EBF1: variants seen among roughly 807,000 people sequenced by gnomAD.
EBF1 encodes the protein EBF transcription factor 1.
Under a neutral mutation model 68.4 loss-of-function variants are expected in EBF1, and 10 were observed. That is an observed-to-expected ratio of 0.15 (90% CI 0.09 to 0.25). EBF1 has a LOEUF of 0.25. Ranked by LOEUF, EBF1 falls within the 10% of genes least tolerant of loss-of-function variation. The pLI is 1.00. For synonymous variants in EBF1, 298 were observed against 299.8 expected (o/e 0.99, Z 0.06); for missense variants, 509 against 794.4 (o/e 0.64, Z 4.32).
intron 6 of EBF1, among the ~76,000 whole-genome samples, chr5:158,947,890 C>T (rs745746990): frequency 5.9e-5 from 9 of 152,274 alleles, no homozygotes; most frequent in Non-Finnish European, 2.9e-5. Context: ...CTCCCTAAAT[C>T]GCTGAAGCAT....
At chr5:158,745,241 C>G (rs867013791) in intron 10 of EBF1, among the ~76,000 whole-genome samples, 1 of 152,116 alleles carries the variant, frequency 6.6e-6, no homozygotes, top group Admixed American at 6.6e-5. Flanking sequence ...ACAGAGTGAA[C>G]ATTACAATCA....
rs1562086416 is a variant in EBF1 at position 158,840,662 on chromosome 5, TTTTTTTTTTTG to T, written c.555-563_555-553del. 7.5e-3 allele frequency among the ~76,000 whole-genome samples: 629 copies of T among 83,756 alleles called. 81 individuals carry two copies. The highest frequency in any genetic ancestry group is 0.012 in the South Asian group (19 of 1,576). The allele number at this position is 83,756 out of a possible 152,430, so 54.9% of individuals were successfully genotyped here. A position where few individuals can be genotyped will look rare whatever the true frequency, so the allele number is the denominator to read the frequency against. ...TACCTCCTGTTTTTTTTTTTTTTTT[TTTTTTTTTTTG>T]TTTTTTTTTTTTTTTTGAGACGGAG... On this transcript the variant is annotated intron_variant, in intron 6 of 15. Transcript: ENST00000313708.
chr5:158,779,450 T>TTG (rs1775965399), intron 9 of EBF1, among the ~76,000 whole-genome samples: 1 of 152,156 alleles, frequency 6.6e-6, no homozygotes, highest in South Asian at 2.1e-4. Context: ...TCCAAAGACT[T>TTG]TGTGTGTGTG....
At chr5:158,935,627 C>G (rs950505915) in intron 6 of EBF1, among the ~76,000 whole-genome samples, 3 of 152,164 alleles carry the variant, frequency 2.0e-5, no homozygotes, top group Non-Finnish European at 4.4e-5. Context: ...AAAAGACAAA[C>G]TAACATGATT....
chr5:159,005,164 G>C (rs1217603831), intron 6 of EBF1, among the ~76,000 whole-genome samples: 1 of 152,152 alleles, frequency 6.6e-6, no homozygotes, highest in Non-Finnish European at 1.5e-5. Flanking sequence ...ACCCACAAGA[G>C]CAGTAAATTT....
chr5:158,992,893 T>C (rs915808902), intron 6 of EBF1, among the ~76,000 whole-genome samples: 7 of 149,076 alleles, frequency 4.7e-5, no homozygotes, highest in African/African-American at 1.7e-4. Flanking sequence ...CTAAGGGGTA[T>C]ATTAAGAGCC....
intron 6 of EBF1, chr5:158,986,268 G>A (rs1258891683): frequency 6.6e-6 from 1 of 152,248 alleles, no homozygotes; most frequent in Non-Finnish European, 1.5e-5. Context: ...ATAGGTGGAA[G>A]TAAATGCTGA....
intron 8 of EBF1, among the ~76,000 whole-genome samples, chr5:158,799,999 A>G (rs571117924): frequency 6.6e-6 from 1 of 152,304 alleles, no homozygotes; most frequent in African/African-American, 2.4e-5. Context: ...GGCTAAAAGA[A>G]GACCTGGAAA....
intron 6 of EBF1, among the ~76,000 whole-genome samples, chr5:159,034,238 A>G (rs1769557657): frequency 6.6e-6 from 1 of 152,236 alleles, no homozygotes; most frequent in Non-Finnish European, 1.5e-5. Context: ...AAATCAAGAA[A>G]CAAAGATACA....
intron 8 of EBF1, among the ~76,000 whole-genome samples, chr5:158,816,968 T>C (rs185927586): frequency 5.3e-5 from 8 of 151,562 alleles, no homozygotes; most frequent in African/African-American, 1.9e-4. Flanking sequence ...TGAGCAAACT[T>C]GCCCTGGGCT....
chr5:159,053,673 T>C (rs1036978556), intron 6 of EBF1, among the ~76,000 whole-genome samples: 1 of 151,786 alleles, frequency 6.6e-6, no homozygotes, highest in African/African-American at 2.4e-5. Context: ...AGCATCTGCA[T>C]AGATGCACAC....
At chr5:158,935,113 G>C (rs1244980935) in intron 6 of EBF1, among the ~76,000 whole-genome samples, 1 of 152,180 alleles carries the variant, frequency 6.6e-6, no homozygotes, top group Non-Finnish European at 1.5e-5. Flanking sequence ...CTTGGGAAAT[G>C]GTGGACCCAG....
chr5:158,818,041 C>T (rs1392348728), intron 8 of EBF1, among the ~76,000 whole-genome samples: 2 of 152,086 alleles, frequency 1.3e-5, no homozygotes, highest in African/African-American at 4.8e-5. Context: ...TTCAGAGCAC[C>T]ATAAAATAGT....
At chr5:158,943,765 G>A (rs188619882) in intron 6 of EBF1, among the ~76,000 whole-genome samples, 12 of 152,156 alleles carry the variant, frequency 7.9e-5, no homozygotes, top group South Asian at 2.1e-4. Flanking sequence ...GGCAGGGGGC[G>A]CCAGGGACCC....
At chr5:158,812,612 C>T (rs1270536571) in intron 8 of EBF1, among the ~76,000 whole-genome samples, 1 of 152,104 alleles carries the variant, frequency 6.6e-6, no homozygotes, top group Non-Finnish European at 1.5e-5. Context: ...TTCCTGCCTG[C>T]CTGCCCCTCC....
intron 6 of EBF1, among the ~76,000 whole-genome samples, chr5:158,889,242 C>T (rs1468092508): frequency 1.3e-5 from 2 of 152,096 alleles, no homozygotes; most frequent in East Asian, 3.8e-4. Flanking sequence ...ACATCTAAAT[C>T]AATAGATGGG....
chr5:158,904,529 C>T (rs955495136), intron 6 of EBF1, among the ~76,000 whole-genome samples: 4 of 152,194 alleles, frequency 2.6e-5, no homozygotes, highest in African/African-American at 9.7e-5. Flanking sequence ...ACTGAAACAT[C>T]AAGATATCCC....
At chr5:158,792,889 C>T (rs1211286945) in intron 9 of EBF1, among the ~76,000 whole-genome samples, 1 of 152,138 alleles carries the variant, frequency 6.6e-6, no homozygotes, top group Non-Finnish European at 1.5e-5. Context: ...TCTGTACATG[C>T]CAATTCTACC....
In EBF1 at chr5:158,810,259, C is replaced by T. The variant is rs80074374; in HGVS notation, c.778+12917G>A. Among the ~76,000 whole-genome samples the T allele has an allele frequency of 5.5e-3, 843 of 152,290 alleles. 6 individuals are homozygous for T. The highest frequency in any genetic ancestry group is 0.019 in the African/African-American group (772 of 41,562). Reference sequence around the variant, plus strand: ...CACCCACCAGCCCACGGATAATACACCCAACAGCATTTGCCTCAGGCCCAG... The same window carrying T: ...CACCCACCAGCCCACGGATAATACATCCAACAGCATTTGCCTCAGGCCCAG... On this transcript the variant is annotated intron_variant, in intron 8 of 15. Transcript: ENST00000313708.
Sources: allele counts gnomAD v4.1 joint callset (sites outside exome capture counted in the v4.1 genomes callset), GRCh38; gene constraint gnomAD v4.1.1; transcripts MANE v1.5; gene names NCBI Gene and HGNC (gene_info 2026-07-23, HGNC 2026-07-21).